The following PRPSAP2 variants were observed in gnomAD, a reference collection of about 807,000 sequenced individuals.
PRPSAP2 encodes the protein phosphoribosyl pyrophosphate synthetase associated protein 2.
A neutral mutation model predicts 40.6 loss-of-function variants in PRPSAP2; 24 were observed. The ratio of observed to expected loss-of-function variants is 0.59; its 90% CI spans 0.43 to 0.83. PRPSAP2 has a LOEUF of 0.83. PRPSAP2 is among the 40% of genes least tolerant of loss of function. The probability of loss-of-function intolerance (pLI) is 0.00; values close to 1 mark genes in which losing one functional copy is unlikely to be tolerated. For missense variants in PRPSAP2, 292 were observed against 465.6 expected (o/e 0.63, Z 3.43); for synonymous variants, 149 against 164.7 (o/e 0.90, Z 0.73).
chr17:18,879,610 C>T (rs568138412), intron 6 of PRPSAP2, among the ~76,000 whole-genome samples: 11 of 152,116 alleles, frequency 7.2e-5, no homozygotes, highest in South Asian at 4.2e-4. Flanking sequence ...CCCACCACCA[C>T]GCCTGGCTAA....
chr17:18,875,724 T>C (rs7221832), intron 5 of PRPSAP2, among the ~76,000 whole-genome samples: 221 of 151,466 alleles, frequency 1.5e-3, no homozygotes, highest in African/African-American at 5.0e-3. Context: ...CGTGGTGATA[T>C]GCGCTTCTAA....
intron 7 of PRPSAP2, among the ~76,000 whole-genome samples, chr17:18,885,210 C>T (rs983405894): frequency 2.0e-5 from 3 of 151,798 alleles, no homozygotes; most frequent in Admixed American, 6.6e-5. Flanking sequence ...AGACCATCCT[C>T]GGCAATATGG....
intron 6 of PRPSAP2, among the ~76,000 whole-genome samples, chr17:18,879,789 G>A (rs897206430): frequency 3.4e-5 from 5 of 149,110 alleles, no homozygotes; most frequent in Admixed American, 6.7e-5. Flanking sequence ...TTCAGTAAAG[G>A]CAAACGTAAA....
chr17:18,895,525 G>A (rs1258808601), intron 8 of PRPSAP2, among the ~76,000 whole-genome samples: 1 of 151,336 alleles, frequency 6.6e-6, no homozygotes, highest in African/African-American at 2.4e-5. Flanking sequence ...GGCTTTTTCA[G>A]AGATCGTTTC....
chr17:18,872,848 T>C (rs2037990099), intron 5 of PRPSAP2, among the ~76,000 whole-genome samples, 199 bp downstream of exon 5: 1 of 151,990 alleles, frequency 6.6e-6, no homozygotes, highest in South Asian at 2.1e-4. Flanking sequence ...CTTCTTTCTT[T>C]CTTTTTTTTT....
intron 7 of PRPSAP2, among the ~76,000 whole-genome samples, chr17:18,887,594 T>G (rs2039257811): frequency 6.6e-6 from 1 of 152,204 alleles, no homozygotes; most frequent in Non-Finnish European, 1.5e-5. Flanking sequence ...TTATTTTCCT[T>G]TGGGAACTAT....
intron 7 of PRPSAP2, among the ~76,000 whole-genome samples, chr17:18,885,403 CA>C (rs775079199): frequency 0.12 from 1,280 of 10,850 alleles, 103 homozygotes; most frequent in African/African-American, 0.27. Flanking sequence ...TTCCTTCTCA[CA>C]AAAAAAAAAA....
At chr17:18,894,321 A>G (rs1218950106) in intron 8 of PRPSAP2, among the ~76,000 whole-genome samples, 1 of 151,506 alleles carries the variant, frequency 6.6e-6, no homozygotes, top group Admixed American at 6.6e-5. Flanking sequence ...CACCACGCCT[A>G]TCTAATTTTG....
intron 7 of PRPSAP2, among the ~76,000 whole-genome samples, chr17:18,885,430 T>TG (rs2039068360): frequency 2.2e-5 from 1 of 45,446 alleles, no homozygotes; most frequent in African/African-American, 9.0e-5. Context: ...AAAAAAAAAA[T>TG]TAATATGTGG....
chr17:18,861,464 TAA>T (rs5819659), intron 1 of PRPSAP2: 8 of 138,898 alleles, frequency 5.8e-5, no homozygotes, highest in South Asian at 2.3e-4. Flanking sequence ...AACTCCATCT[TAA>T]AAAAAAAAAA....
intron 8 of PRPSAP2, among the ~76,000 whole-genome samples, chr17:18,901,298 G>A (rs1043247229): frequency 1.3e-5 from 2 of 152,110 alleles, no homozygotes; most frequent in African/African-American, 4.8e-5. Context: ...TAAGGCAAAA[G>A]GAATGCCCAA....
chr17:18,916,003 A>G (rs996309456), intron 9 of PRPSAP2, among the ~76,000 whole-genome samples: 5 of 151,922 alleles, frequency 3.3e-5, no homozygotes, highest in Non-Finnish European at 7.4e-5. Context: ...GTATTTTAGT[A>G]GAGATGGGGT....
At chr17:18,863,697 T>C (rs1316110671) in intron 1 of PRPSAP2, among the ~76,000 whole-genome samples, 1 of 151,924 alleles carries the variant, frequency 6.6e-6, no homozygotes, top group Non-Finnish European at 1.5e-5. Context: ...CACGCCCGGC[T>C]AATCTTTTGT....
At chr17:18,915,300 A>G (rs2041241154) in intron 9 of PRPSAP2, among the ~76,000 whole-genome samples, 1 of 152,184 alleles carries the variant, frequency 6.6e-6, no homozygotes, top group African/African-American at 2.4e-5. Context: ...TGCTGAAATT[A>G]CAGGTGTGAG....
intron 8 of PRPSAP2, chr17:18,904,572 G>A (rs1409497223): frequency 3.9e-5 from 6 of 152,050 alleles, no homozygotes; most frequent in Admixed American, 3.9e-4. Context: ...GAGCCACTGT[G>A]TTTAGTGGTT....
At chr17:18,869,553 AG>A (rs2037688544) in intron 4 of PRPSAP2, among the ~76,000 whole-genome samples, 1 of 148,432 alleles carries the variant, frequency 6.7e-6, no homozygotes, top group Non-Finnish European at 1.5e-5. Flanking sequence ...CCCAGGCTGG[AG>A]TGCAGTGGGG....
chr17:18,896,755 G>A (rs1479675588), intron 8 of PRPSAP2, among the ~76,000 whole-genome samples: 1 of 152,068 alleles, frequency 6.6e-6, no homozygotes, highest in East Asian at 1.9e-4. Context: ...GTCTCAGCAA[G>A]CTGCCAGATA....
intron 1 of PRPSAP2, among the ~76,000 whole-genome samples, chr17:18,862,357 C>A (rs2037086982): frequency 6.6e-6 from 1 of 152,144 alleles, no homozygotes; most frequent in Non-Finnish European, 1.5e-5. Context: ...AAGATCTCTT[C>A]CTACCTCTAA....
chr17:18,862,484 T>G (rs2037100388), intron 1 of PRPSAP2, among the ~76,000 whole-genome samples: 1 of 152,094 alleles, frequency 6.6e-6, no homozygotes, highest in South Asian at 2.1e-4. Context: ...TGGCTGTTAC[T>G]GTACTTATAT....
Sources: gnomAD v4.1 joint callset for allele counts (sites outside exome capture counted in the v4.1 genomes callset) on GRCh38, gnomAD v4.1.1 for gene constraint, MANE v1.5 for transcripts, NCBI Gene and HGNC (gene_info 2026-07-23, HGNC 2026-07-21) for gene names.